SORBS2: variants seen among roughly 807,000 people sequenced by gnomAD.
The protein encoded by SORBS2 is sorbin and SH3 domain containing 2.
SORBS2 carries 46 observed loss-of-function variants against 97.7 expected under a neutral mutation model. That is an observed-to-expected ratio of 0.47 (90% confidence interval 0.37 to 0.60). The LOEUF (loss-of-function observed/expected upper bound fraction) is 0.60. SORBS2 is among the 20% of genes least tolerant of loss of function. The pLI, the probability that SORBS2 is intolerant of heterozygous loss-of-function variation, is 0.00. For missense variants in SORBS2, 1,316 were observed against 1,282.3 expected (o/e 1.03, Z -0.40); for synonymous variants, 476 against 473.4 (o/e 1.01, Z -0.07).
At chr4:185,696,961 A>C (rs2098184152) in intron 2 of SORBS2, among the ~76,000 whole-genome samples, 1 of 152,224 alleles carries the variant, frequency 6.6e-6, no homozygotes, top group South Asian at 2.1e-4. Context: ...AGGATCTCAT[A>C]AGTCAGGCAC....
At chr4:185,702,434 C>T (rs2098277446) in intron 2 of SORBS2, among the ~76,000 whole-genome samples, 1 of 152,190 alleles carries the variant, frequency 6.6e-6, no homozygotes, top group Non-Finnish European at 1.5e-5. Context: ...CTCACTCTCC[C>T]TCTGCCAGGG....
intron 1 of SORBS2, chr4:185,656,601 G>A: frequency 2.6e-6 from 4 of 1,534,702 alleles, no homozygotes; most frequent in Non-Finnish European, 1.8e-6. Context: ...TCCCCGCATG[G>A]CCCCCAACTT....
At chr4:185,924,798 T>C (rs1157037653) in intron 1 of SORBS2, among the ~76,000 whole-genome samples, 2 of 152,158 alleles carry the variant, frequency 1.3e-5, no homozygotes, top group African/African-American at 4.8e-5. Context: ...CAATCCCCAC[T>C]CCCTCCGTCT....
intron 1 of SORBS2, among the ~76,000 whole-genome samples, chr4:185,878,720 C>T (rs1478958039): frequency 1.3e-5 from 2 of 152,190 alleles, no homozygotes; most frequent in Non-Finnish European, 2.9e-5. Flanking sequence ...CCAGGGAACT[C>T]CACACCTCAC....
chr4:185,939,995 C>T (rs536650447), intron 1 of SORBS2, among the ~76,000 whole-genome samples: 8 of 152,286 alleles, frequency 5.3e-5, no homozygotes, highest in Admixed American at 2.0e-4. Flanking sequence ...CCAGATGAGC[C>T]GCACCCTCTT....
intron 2 of SORBS2, among the ~76,000 whole-genome samples, chr4:185,758,691 C>A (rs1197991413): frequency 1.3e-5 from 2 of 152,164 alleles, no homozygotes; most frequent in African/African-American, 4.8e-5. Flanking sequence ...CCCTTCAGTG[C>A]AAAAGCCTCA....
rs756576783 is a variant in SORBS2, at chr4:185,684,886, G to A, written c.-197-6064C>T. On this transcript the variant is annotated intron_variant, in intron 2 of 20. Transcript: ENST00000284776. This position sits in a 1 kb window ranked among gnomAD's most constrained non-coding sequence, Gnocchi z 4.2. ...ATGATATAGCAGAGGCCAAGGCAACGGGAAAAGCACGTGCAATATCATGCG... is the reference window on the plus strand; with the variant it reads ...ATGATATAGCAGAGGCCAAGGCAACAGGAAAAGCACGTGCAATATCATGCG... The A allele has an allele frequency of 6.2e-6, 9 of 1,462,624 alleles. No individual in the cohort carries two copies. The highest frequency in any genetic ancestry group is 1.4e-5 in the African/African-American group (1 of 71,324). 90.6% of individuals were successfully genotyped at this position (1,462,624 alleles called of 1,614,324 possible).
intron 1 of SORBS2, among the ~76,000 whole-genome samples, chr4:185,814,804 C>A (rs1193659181): frequency 6.6e-6 from 1 of 152,238 alleles, no homozygotes; most frequent in Admixed American, 6.5e-5. Flanking sequence ...ACACATCACT[C>A]TGCTGCCAGT....
chr4:185,828,248 T>C (rs1372003593), intron 1 of SORBS2, among the ~76,000 whole-genome samples: 2 of 152,076 alleles, frequency 1.3e-5, no homozygotes, highest in Non-Finnish European at 2.9e-5. Flanking sequence ...ACCTTCTAGT[T>C]GCCCCAAAGG....
chr4:185,876,081 C>T (rs969955595), intron 1 of SORBS2, among the ~76,000 whole-genome samples: 1 of 151,904 alleles, frequency 6.6e-6, no homozygotes, highest in African/African-American at 2.4e-5. Context: ...TTGCAGAATA[C>T]TAGAAGAATT....
At chr4:185,864,181 T>C (rs1357425557) in intron 1 of SORBS2, among the ~76,000 whole-genome samples, 1 of 152,186 alleles carries the variant, frequency 6.6e-6, no homozygotes, top group Non-Finnish European at 1.5e-5. Flanking sequence ...CATTATACTA[T>C]AAAAAGCCGG....
chr4:185,899,130 C>T lies in SORBS2; in HGVS notation c.-338+57066G>A, dbSNP rs111812876. ...AGGGCAGCCTCTGACAGAGTGCTCA[C>T]AGGAGAAAGAGATGGTGCTGCCCGG... On this transcript the variant is annotated intron_variant, in intron 1 of 20. Transcript: ENST00000284776. Among the ~76,000 whole-genome samples the T allele has an allele frequency of 5.7e-3, 861 of 152,238 alleles. 6 individuals carry two copies. Among genetic ancestry groups the T allele is most frequent in the African/African-American group, 0.019 (807 of 41,552 alleles).
intron 1 of SORBS2, among the ~76,000 whole-genome samples, chr4:185,910,954 AT>A (rs66528510): frequency 3.7e-4 from 52 of 140,228 alleles, no homozygotes; most frequent in East Asian, 4.8e-4. Context: ...GCGGTGTTTG[AT>A]TTTTTAAAAA....
chr4:185,875,957 C>T (rs940302338), intron 1 of SORBS2, among the ~76,000 whole-genome samples: 1 of 152,200 alleles, frequency 6.6e-6, no homozygotes, highest in South Asian at 2.1e-4. Context: ...TAATCACCTT[C>T]CCCCTGACTC....
At chr4:185,901,003 G>T (rs1177719128) in intron 1 of SORBS2, among the ~76,000 whole-genome samples, 1 of 152,166 alleles carries the variant, frequency 6.6e-6, no homozygotes, top group Non-Finnish European at 1.5e-5. Flanking sequence ...AATCTCAATT[G>T]CATGAAACAA....
chr4:185,822,556 C>T (rs973789992), intron 1 of SORBS2, among the ~76,000 whole-genome samples: 2 of 152,182 alleles, frequency 1.3e-5, no homozygotes, highest in Non-Finnish European at 2.9e-5. Flanking sequence ...AAAAGACATA[C>T]GATGGGAACT....
chr4:185,656,567 C>T (rs764455753), intron 1 of SORBS2: 17 of 1,392,014 alleles, frequency 1.2e-5, no homozygotes. Context: ...GGTCTTGCTG[C>T]AAAGTATATG....
chr4:185,709,106 C>T (rs937297282), intron 2 of SORBS2, among the ~76,000 whole-genome samples: 3 of 152,176 alleles, frequency 2.0e-5, no homozygotes, highest in African/African-American at 7.2e-5. Context: ...CAACCTCCGC[C>T]TCTCGGGTTC....
intron 1 of SORBS2, among the ~76,000 whole-genome samples, chr4:185,820,518 C>T (rs1030495108): frequency 1.3e-5 from 2 of 152,292 alleles, no homozygotes; most frequent in South Asian, 2.1e-4. Flanking sequence ...AGAGGAGGGG[C>T]ATGGTGTGCC....
Sources: gnomAD v4.1 joint callset for allele counts (sites outside exome capture counted in the v4.1 genomes callset) on GRCh38, gnomAD v4.1.1 for gene constraint, Gnocchi (gnomAD v3.1) non-coding constraint, MANE v1.5 for transcripts, NCBI Gene and HGNC (gene_info 2026-07-23, HGNC 2026-07-21) for gene names.